Variants in EPHA6 observed in about 807,000 individuals in gnomAD.
The protein encoded by EPHA6 is ephrin type-A receptor 6.
In EPHA6, 50 loss-of-function variants were observed where a neutral mutation model predicts 112.0. The ratio of observed to expected loss-of-function variants is 0.45; its 90% CI spans 0.36 to 0.56. The LOEUF is 0.56. Ranked by LOEUF, EPHA6 falls within the 20% of genes least tolerant of loss-of-function variation. The probability of loss-of-function intolerance (pLI) is 0.00; values close to 1 mark genes in which losing one functional copy is unlikely to be tolerated. For missense variants in EPHA6, 1,280 were observed against 1,417.4 expected (o/e 0.90, Z 1.56); for synonymous variants, 529 against 490.7 (o/e 1.08, Z -1.03).
intron 2 of EPHA6, among the ~76,000 whole-genome samples, chr3:96,878,555 A>G (rs2037114182): frequency 6.6e-6 from 1 of 152,070 alleles, no homozygotes; most frequent in Non-Finnish European, 1.5e-5. Flanking sequence ...AGCACAAGGA[A>G]CTTAATAGTC....
At chr3:97,320,873 C>T (rs11920434) in intron 5 of EPHA6, among the ~76,000 whole-genome samples, 5,705 of 149,376 alleles carry the variant, frequency 0.038, 385 homozygotes, top group African/African-American at 0.13. Context: ...TAATTACATC[C>T]TTGTCAAGAG....
At chr3:97,026,290 T>A (rs1226517336) in intron 3 of EPHA6, among the ~76,000 whole-genome samples, 1 of 152,146 alleles carries the variant, frequency 6.6e-6, no homozygotes, top group Non-Finnish European at 1.5e-5. Context: ...AGAATCCTTT[T>A]TTCTAGTTCT....
intron 1 of EPHA6, among the ~76,000 whole-genome samples, chr3:96,840,344 C>T (rs1161118070): frequency 3.3e-5 from 5 of 152,034 alleles, no homozygotes; most frequent in Non-Finnish European, 7.4e-5. Flanking sequence ...TCTTGATTTA[C>T]TCAGAATTAT....
At chr3:97,241,766 T>TG (rs1491558086) in intron 4 of EPHA6, among the ~76,000 whole-genome samples, 39 of 149,462 alleles carry the variant, frequency 2.6e-4, no homozygotes, top group Non-Finnish European at 4.7e-4. Flanking sequence ...TTTTTTTTTT[T>TG]TTTTGTTTTT....
intron 10 of EPHA6, among the ~76,000 whole-genome samples, chr3:97,503,861 T>G (rs1391989289): frequency 1.3e-5 from 2 of 152,168 alleles, no homozygotes; most frequent in Non-Finnish European, 2.9e-5. Flanking sequence ...ATTTTACTTC[T>G]TTAGTTATTA....
intron 14 of EPHA6, among the ~76,000 whole-genome samples, chr3:97,701,159 G>A (rs1357625524): frequency 1.3e-5 from 2 of 152,130 alleles, no homozygotes; most frequent in Admixed American, 1.3e-4. Context: ...TATTCTAATG[G>A]AACCTATAAA....
chr3:97,646,056 C>A (rs897937162), intron 14 of EPHA6: 6 of 1,263,454 alleles, frequency 4.7e-6, no homozygotes, highest in African/African-American at 3.0e-5. Context: ...TGGAAGCTAT[C>A]CTTTTCTAAT....
chr3:97,379,620 G>C (rs1253346397), intron 5 of EPHA6, among the ~76,000 whole-genome samples: 1 of 151,402 alleles, frequency 6.6e-6, no homozygotes, highest in Non-Finnish European at 1.5e-5. Context: ...ATGGTGGCAG[G>C]CACCTGTAAT....
At chr3:97,021,347 C>T (rs1225773651) in intron 3 of EPHA6, among the ~76,000 whole-genome samples, 5 of 152,140 alleles carry the variant, frequency 3.3e-5, no homozygotes, top group East Asian at 1.9e-4. Context: ...AGGATCTAGC[C>T]GTTGCCTGCC....
chr3:97,286,638 C>G (rs998918292), intron 5 of EPHA6, among the ~76,000 whole-genome samples: 3 of 151,794 alleles, frequency 2.0e-5, no homozygotes, highest in African/African-American at 7.3e-5. Flanking sequence ...GGTACCAAAG[C>G]CATATACTAC....
At chr3:97,205,906 C>A (rs540256611) in intron 3 of EPHA6, among the ~76,000 whole-genome samples, 7 of 152,112 alleles carry the variant, frequency 4.6e-5, no homozygotes, top group Non-Finnish European at 8.8e-5. Context: ...CTATTCTTGT[C>A]TCCATTTTAC....
At chr3:97,240,919 T>G (rs945510812) in intron 4 of EPHA6, among the ~76,000 whole-genome samples, 4 of 151,796 alleles carry the variant, frequency 2.6e-5, no homozygotes, top group Admixed American at 2.6e-4. Flanking sequence ...TAGGACATAT[T>G]TTGGGAAACA....
chr3:96,884,427 C>A (rs527840226), intron 2 of EPHA6, among the ~76,000 whole-genome samples: 1 of 152,040 alleles, frequency 6.6e-6, no homozygotes, highest in African/African-American at 2.4e-5. Context: ...TTGCAGAAGT[C>A]TTTTGACTCC....
chr3:97,366,570 C>T (rs1012429747), intron 5 of EPHA6, among the ~76,000 whole-genome samples: 1 of 151,490 alleles, frequency 6.6e-6, no homozygotes, highest in Non-Finnish European at 1.5e-5. Flanking sequence ...TAATCTTAGA[C>T]TAAATTAATA....
intron 5 of EPHA6, among the ~76,000 whole-genome samples, chr3:97,365,429 T>C (rs1310239163): frequency 6.6e-6 from 1 of 151,982 alleles, no homozygotes; most frequent in African/African-American, 2.4e-5. Flanking sequence ...TCTCACTCTG[T>C]TGCCAGGCTG....
chr3:96,931,234 C>T (rs1220997535), intron 2 of EPHA6, among the ~76,000 whole-genome samples: 1 of 152,136 alleles, frequency 6.6e-6, no homozygotes, highest in South Asian at 2.1e-4. Context: ...CCAGCTGAAG[C>T]CCTGGCTGGG....
chr3:97,429,359 C>T (rs1017767124), intron 6 of EPHA6, among the ~76,000 whole-genome samples: 7 of 152,122 alleles, frequency 4.6e-5, no homozygotes, highest in Admixed American at 2.0e-4. Flanking sequence ...AATTAATCCC[C>T]GGTGGCAGAG....
At chr3:96,828,645 TG>T (rs1017751465) in intron 1 of EPHA6, among the ~76,000 whole-genome samples, 1 of 152,084 alleles carries the variant, frequency 6.6e-6, no homozygotes, top group African/African-American at 2.4e-5. Context: ...CAGATTAAAA[TG>T]GGGAAGTATT....
At chr3:97,082,595 A>G (rs1263956989) in intron 3 of EPHA6, among the ~76,000 whole-genome samples, 1 of 151,908 alleles carries the variant, frequency 6.6e-6, no homozygotes, top group African/African-American at 2.4e-5. Flanking sequence ...GAAACTTTTA[A>G]TCAATTCGAG....
Sources: gnomAD v4.1 joint callset for allele counts (sites outside exome capture counted in the v4.1 genomes callset) on GRCh38, gnomAD v4.1.1 for gene constraint, MANE v1.5 for transcripts, NCBI Gene and HGNC (gene_info 2026-07-23, HGNC 2026-07-21) for gene names.